ZNF532: variants seen among roughly 807,000 people sequenced by gnomAD.
The protein encoded by ZNF532 is zinc finger protein 532.
ZNF532 carries 22 observed loss-of-function variants against 89.3 expected under a neutral mutation model. The ratio of observed to expected loss-of-function variants is 0.25; its 90% confidence interval spans 0.18 to 0.35. The LOEUF (loss-of-function observed/expected upper bound fraction) is 0.35, where lower values mean the gene tolerates loss of function less well. ZNF532 is among the 10% of genes least tolerant of loss of function. ZNF532 has a pLI of 1.00. For synonymous variants in ZNF532, 606 were observed against 649.6 expected (o/e 0.93, Z 1.02); for missense variants, 1,132 against 1,643.4 (o/e 0.69, Z 5.38).
intron 6 of ZNF532, among the ~76,000 whole-genome samples, chr18:58,951,916 TG>T (rs1211952613): frequency 6.6e-6 from 1 of 152,132 alleles, no homozygotes; most frequent in Non-Finnish European, 1.5e-5. Flanking sequence ...CCCAAAGTGC[TG>T]GGATTACAGG....
chr18:58,936,251 C>T (rs965757410), intron 4 of ZNF532, among the ~76,000 whole-genome samples: 2 of 152,218 alleles, frequency 1.3e-5, no homozygotes, highest in East Asian at 3.8e-4. Context: ...CAAAGGTGCC[C>T]CAGATCTGCA....
intron 9 of ZNF532, 77 bp from the exon 10 acceptor site, chr18:58,983,895 A>T (rs1381462481): frequency 6.6e-7 from 1 of 1,518,440 alleles, no homozygotes. Context: ...GCAGCTCTAA[A>T]GTAAGAGAAC....
chr18:58,948,814 C>G lies in ZNF532; in HGVS notation c.2868+585C>G, dbSNP rs552515537. Among the ~76,000 whole-genome samples, 4 of 152,248 alleles carry G rather than the reference C, an allele frequency of 2.6e-5. No individual in the cohort carries two copies. In the South Asian group the frequency reaches 8.3e-4, roughly 32 times the overall value. On this transcript the variant is annotated intron_variant, in intron 6 of 9. Transcript: ENST00000591808. ...TCAGGTGATCCGCCTGCCTTGTCCT[C>G]CCAAAGTGCTGGGATTATAGGCATG...
chr18:58,930,912 T>G (rs925712625), intron 3 of ZNF532, among the ~76,000 whole-genome samples: 2 of 152,230 alleles, frequency 1.3e-5, no homozygotes, highest in African/African-American at 4.8e-5. Context: ...CTGTGGTTGA[T>G]TGAATACATA....
chr18:58,888,703 A>ATATC (rs1349727004), intron 2 of ZNF532, among the ~76,000 whole-genome samples: 1 of 50,448 alleles, frequency 2.0e-5, no homozygotes, highest in East Asian at 1.0e-3. Context: ...AAAATTATAT[A>ATATC]TATATATATA....
rs147957313 is a variant in ZNF532 at position 58,976,935 on chromosome 18, G to A, written c.3151-2120G>A. ...AAAGCTTTAAAATAAATAAAGGCTC[G>A]TTACCTCTTAGTCACTCTTTTGCTG... On this transcript the variant is annotated intron_variant, in intron 7 of 9. Transcript: ENST00000591808. Among the ~76,000 whole-genome samples the A allele has an allele frequency of 6.7e-3, 1,016 of 152,224 alleles. 6 individuals are homozygous for A. Among genetic ancestry groups the A allele is most frequent in the Non-Finnish European group, 8.2e-3 (556 of 68,014 alleles).
Position 58,908,408 on chromosome 18 carries a change from G to A in ZNF532, c.-17-9863G>A, listed in dbSNP as rs1156770511. Among the ~76,000 whole-genome samples the A allele has an allele frequency of 1.2e-4, 19 of 152,310 alleles. No homozygotes were observed. The East Asian group carries it at 3.5e-3, about 28-fold the overall frequency. On this transcript the variant is annotated intron_variant, in intron 2 of 9. Transcript: ENST00000591808. The stretch of plus-strand genomic sequence containing the variant: ...GTCCTTGCTTATTAATAAATGACGA[G>A]AGTGTAGATCGGTAAGTTGTTTCAT...
Position 58,920,009 on chromosome 18 carries a change from G to A in ZNF532, c.1722G>A (p.Ser574=), listed in dbSNP as rs138145916. The part of the protein sequence containing the change: ...PKKVSRVQVV[S]SLQSSVVEAF... ...AGGTGTCTCGAGTCCAGGTGGTGTC[G>A]TCCTTGCAGAGTTCTGTGGTGGAAG... The change falls in exon 3 of 10, where the codon TCG becomes TCA. Residue 574 remains serine, a synonymous_variant. Coordinates refer to ENST00000591808, the MANE Select transcript of ZNF532 (RefSeq NM_001375912.1). 9.3e-6 allele frequency: 15 copies of A among 1,613,516 alleles called. No individual in the cohort carries two copies. The highest frequency in any genetic ancestry group is 6.7e-5 in the African/African-American group (5 of 74,904).
At chr18:58,880,762 A>ATGCG (rs1407374371) in intron 2 of ZNF532, among the ~76,000 whole-genome samples, 5 of 93,416 alleles carry the variant, frequency 5.4e-5, no homozygotes, top group African/African-American at 1.3e-4. Flanking sequence ...GCGCGCGCGC[A>ATGCG]CGCGCGCGCG....
intron 2 of ZNF532, among the ~76,000 whole-genome samples, chr18:58,891,630 C>A (rs1329362794): frequency 6.6e-6 from 1 of 152,178 alleles, no homozygotes; most frequent in Non-Finnish European, 1.5e-5. Flanking sequence ...AGACTTTTTA[C>A]TGTTAGTGTT....
intron 2 of ZNF532, among the ~76,000 whole-genome samples, chr18:58,899,011 C>T (rs1416362865): frequency 2.0e-5 from 3 of 152,242 alleles, no homozygotes; most frequent in South Asian, 2.1e-4. Context: ...CCACGCAGGC[C>T]GGGGCAGAGC....
chr18:58,978,755 A>G (rs1013667901), intron 7 of ZNF532, among the ~76,000 whole-genome samples: 2 of 152,256 alleles, frequency 1.3e-5, no homozygotes, highest in African/African-American at 4.8e-5. Flanking sequence ...ATTCAAATAT[A>G]CATAATATCT....
intron 2 of ZNF532, among the ~76,000 whole-genome samples, chr18:58,888,724 T>TA (rs1555708968): frequency 0.094 from 3,534 of 37,682 alleles, 437 homozygotes; most frequent in East Asian, 0.38. Context: ...TATATATATA[T>TA]AAATTATATA....
At position 58,977,688 on chromosome 18, in the gene ZNF532, A is replaced by T. The variant is rs1021919042; in HGVS notation, c.3151-1367A>T. 4 of 152,252 alleles carry T rather than the reference A, an allele frequency of 2.6e-5. No homozygotes were observed. In the East Asian group the frequency reaches 7.7e-4, roughly 29 times the overall value. 9.4% of individuals were successfully genotyped at this position (152,252 alleles called of 1,614,324 possible). On this transcript the variant is annotated intron_variant, in intron 7 of 9. Transcript: ENST00000591808. ...AACATGGTGAGACCTTGTCTCTACT[A>T]AAAATACAAAAATTAGCCGGGCGTG...
intron 5 of ZNF532, among the ~76,000 whole-genome samples, chr18:58,946,919 CT>C (rs1285943745): frequency 1.3e-5 from 2 of 152,028 alleles, no homozygotes; most frequent in African/African-American, 4.8e-5. Context: ...AGGTTTGAAG[CT>C]ACATGGGAAG....
At chr18:58,963,536 G>A (rs531345589) in intron 7 of ZNF532, among the ~76,000 whole-genome samples, 1 of 151,692 alleles carries the variant, frequency 6.6e-6, no homozygotes, top group Non-Finnish European at 1.5e-5. Context: ...GGACCACCAT[G>A]CTTAGAATCA....
At chr18:58,966,870 C>T (rs1868819566) in intron 7 of ZNF532, among the ~76,000 whole-genome samples, 1 of 149,954 alleles carries the variant, frequency 6.7e-6, no homozygotes, top group Admixed American at 6.8e-5. Context: ...TTGCTATAAA[C>T]AAGGTTGAAG....
intron 2 of ZNF532, among the ~76,000 whole-genome samples, chr18:58,897,986 A>G (rs182512286): frequency 6.6e-6 from 1 of 152,192 alleles, no homozygotes; most frequent in Non-Finnish European, 1.5e-5. Context: ...TAAATAAATG[A>G]ATAAAGATTA....
At chr18:58,881,644 A>G (rs1477542641) in intron 2 of ZNF532, among the ~76,000 whole-genome samples, 1 of 152,196 alleles carries the variant, frequency 6.6e-6, no homozygotes, top group East Asian at 1.9e-4. Flanking sequence ...CCCATGCTTT[A>G]AATCACCTAC....
Sources: gnomAD v4.1 joint callset for allele counts (sites outside exome capture counted in the v4.1 genomes callset) on GRCh38, gnomAD v4.1.1 for gene constraint, MANE v1.5 for transcripts, NCBI Gene and HGNC (gene_info 2026-07-23, HGNC 2026-07-21) for gene names.